The following NELL2 variants were observed in gnomAD, a reference collection of about 807,000 sequenced individuals.
The protein encoded by NELL2 is protein kinase C-binding protein NELL2.
A neutral mutation model predicts 109.6 loss-of-function variants in NELL2; 41 were observed. That is an observed-to-expected ratio of 0.37 (90% CI 0.29 to 0.49). The LOEUF (loss-of-function observed/expected upper bound fraction) is 0.49. Ranked by LOEUF, NELL2 falls within the 20% of genes least tolerant of loss-of-function variation. The pLI is 0.98. For synonymous variants in NELL2, 355 were observed against 344.7 expected (o/e 1.03, Z -0.33); for missense variants, 900 against 1,008.3 (o/e 0.89, Z 1.45).
chr12:44,653,791 C>G (rs1451784016), intron 13 of NELL2, among the ~76,000 whole-genome samples: 1 of 152,094 alleles, frequency 6.6e-6, no homozygotes, highest in African/African-American at 2.4e-5. Flanking sequence ...ACAACAAAGA[C>G]AAAATAAAGC....
chr12:44,746,938 C>A (rs1190255858), intron 9 of NELL2, among the ~76,000 whole-genome samples: 1 of 152,182 alleles, frequency 6.6e-6, no homozygotes, highest in Admixed American at 6.5e-5. Flanking sequence ...ACCCAACCAT[C>A]CCATTACTGG....
chr12:44,664,829 ATGTTT>A (rs144528117), intron 13 of NELL2, among the ~76,000 whole-genome samples: 24,968 of 151,872 alleles, frequency 0.16, 2,106 homozygotes, highest in East Asian at 0.21. Context: ...TTCTAGCATC[ATGTTT>A]TGTTTTGTTT....
chr12:44,617,842 T>C (rs1235247611), intron 13 of NELL2, among the ~76,000 whole-genome samples: 2 of 152,126 alleles, frequency 1.3e-5, no homozygotes, highest in Non-Finnish European at 2.9e-5. Flanking sequence ...TTTTGCTAGA[T>C]AGATGTCTTC....
At chr12:44,519,571 C>T (rs1941427607) in intron 19 of NELL2, among the ~76,000 whole-genome samples, 1 of 152,190 alleles carries the variant, frequency 6.6e-6, no homozygotes, top group African/African-American at 2.4e-5. Context: ...ATATTGATTT[C>T]CACTTTGGAA....
intron 12 of NELL2, among the ~76,000 whole-genome samples, chr12:44,683,521 GT>G (rs1426587847): frequency 2.0e-5 from 3 of 152,002 alleles, no homozygotes; most frequent in African/African-American, 7.3e-5. Flanking sequence ...AATGCTTCCA[GT>G]TTTTGCCCAT....
intron 19 of NELL2, among the ~76,000 whole-genome samples, chr12:44,516,342 C>T (rs1941254358): frequency 6.6e-6 from 1 of 151,916 alleles, no homozygotes; most frequent in Admixed American, 6.6e-5. Context: ...AGGTTAGATT[C>T]TCAGACCTGG....
chr12:44,895,962 C>T (rs2710470), intron 1 of NELL2, among the ~76,000 whole-genome samples: 5,297 of 152,174 alleles, frequency 0.035, 201 homozygotes, highest in African/African-American at 0.086. Flanking sequence ...TTTTGCTATG[C>T]TCGGTTTTAT....
At chr12:44,830,742 A>C (rs1020940410) in intron 2 of NELL2, among the ~76,000 whole-genome samples, 1 of 151,792 alleles carries the variant, frequency 6.6e-6, no homozygotes, top group Non-Finnish European at 1.5e-5. Flanking sequence ...AAAATAAATC[A>C]TTTCCCAGCC....
intron 12 of NELL2, among the ~76,000 whole-genome samples, chr12:44,669,295 C>T (rs1948056368): frequency 1.3e-5 from 2 of 152,158 alleles, no homozygotes; most frequent in African/African-American, 4.8e-5. Flanking sequence ...GCTGTTACAC[C>T]ACATGCACAG....
chr12:44,866,112 T>G (rs1676730721), intron 2 of NELL2, among the ~76,000 whole-genome samples: 1 of 152,202 alleles, frequency 6.6e-6, no homozygotes, highest in Non-Finnish European at 1.5e-5. Flanking sequence ...ACTTCCACTA[T>G]GTGAAGACAC....
intron 9 of NELL2, among the ~76,000 whole-genome samples, chr12:44,753,071 C>G (rs893840854): frequency 6.6e-6 from 1 of 152,126 alleles, no homozygotes; most frequent in African/African-American, 2.4e-5. Context: ...CAAGCACATG[C>G]CTGCCCTAGA....
intron 2 of NELL2, among the ~76,000 whole-genome samples, chr12:44,848,528 A>C (rs915109269): frequency 1.3e-5 from 2 of 152,130 alleles, no homozygotes; most frequent in African/African-American, 4.8e-5. Context: ...AACACAGGAC[A>C]AGACCCTCTT....
intron 3 of NELL2, among the ~76,000 whole-genome samples, chr12:44,802,248 T>C (rs1294708746): frequency 1.3e-5 from 2 of 152,124 alleles, no homozygotes; most frequent in African/African-American, 2.4e-5. Context: ...TACTGGCTAG[T>C]GGAAAACATG....
intron 16 of NELL2, among the ~76,000 whole-genome samples, chr12:44,526,684 T>C (rs564876576): frequency 6.6e-6 from 1 of 152,358 alleles, no homozygotes; most frequent in South Asian, 2.1e-4. Context: ...TATAGATTTC[T>C]GGCGTGGAAA....
intron 13 of NELL2, among the ~76,000 whole-genome samples, chr12:44,636,873 G>A (rs182688581): frequency 3.8e-4 from 58 of 151,810 alleles, no homozygotes; most frequent in Admixed American, 3.0e-3. Context: ...CTTTGATTCC[G>A]TCTGGTCTGG....
At chr12:44,625,911 G>A (rs1456376400) in intron 13 of NELL2, among the ~76,000 whole-genome samples, 1 of 151,742 alleles carries the variant, frequency 6.6e-6, no homozygotes, top group African/African-American at 2.4e-5. Flanking sequence ...CTTCTTCTGT[G>A]AATATTATGG....
intron 15 of NELL2, among the ~76,000 whole-genome samples, chr12:44,574,746 T>C (rs1279953861): frequency 6.6e-6 from 1 of 152,196 alleles, no homozygotes; most frequent in African/African-American, 2.4e-5. Context: ...TTGGCACATA[T>C]GTTATTTCTG....
At chr12:44,619,310 C>G (rs1945955470) in intron 13 of NELL2, among the ~76,000 whole-genome samples, 1 of 152,236 alleles carries the variant, frequency 6.6e-6, no homozygotes, top group South Asian at 2.1e-4. Flanking sequence ...GGACGCTAAA[C>G]AGTAGCGTCC....
At chr12:44,890,816 C>T (rs944596716) in intron 1 of NELL2, among the ~76,000 whole-genome samples, 1 of 152,024 alleles carries the variant, frequency 6.6e-6, no homozygotes, top group Non-Finnish European at 1.5e-5. Context: ...CCGCAATCTC[C>T]ACCTCCTGGG....
Sources: allele counts gnomAD v4.1 joint callset (sites outside exome capture counted in the v4.1 genomes callset), GRCh38; gene constraint gnomAD v4.1.1; transcripts MANE v1.5; gene names NCBI Gene and HGNC (gene_info 2026-07-23, HGNC 2026-07-21).